The following CSMD1 variants were observed in gnomAD, a reference collection of about 807,000 sequenced individuals.
The protein encoded by CSMD1 is CUB and sushi domain-containing protein 1.
Under a neutral mutation model 417.5 loss-of-function variants are expected in CSMD1, and 213 were observed. The ratio of observed to expected loss-of-function variants is 0.51; its 90% CI spans 0.46 to 0.57. The LOEUF (loss-of-function observed/expected upper bound fraction) is 0.57, where lower values mean the gene tolerates loss of function less well. Among genes scored for constraint, CSMD1 ranks in the 20% least tolerant of loss-of-function variants. The pLI, the probability that CSMD1 is intolerant of heterozygous loss-of-function variation, is 0.00. For synonymous variants in CSMD1, 2,862 were observed against 1,736.8 expected (o/e 1.65, Z -16.11); for missense variants, 6,923 against 4,529.7 (o/e 1.53, Z -15.17).
chr8:3,701,851 A>C (rs2129037274), intron 7 of CSMD1, among the ~76,000 whole-genome samples: 1 of 152,324 alleles, frequency 6.6e-6, no homozygotes, highest in East Asian at 1.9e-4. Context: ...CCACAACAAA[A>C]GCCAGAGGGA....
chr8:4,549,621 G>A (rs1030479884), intron 2 of CSMD1, among the ~76,000 whole-genome samples: 1 of 152,026 alleles, frequency 6.6e-6, no homozygotes, highest in Non-Finnish European at 1.5e-5. Flanking sequence ...GGGCGCGGTG[G>A]CTCACACCGG....
Position 4,375,409 on chromosome 8 carries a change from G to T in CSMD1, c.415+44544C>A, listed in dbSNP as rs1802668975. On this transcript the variant is annotated intron_variant, in intron 3 of 69. Transcript: ENST00000635120. ...ACAGGGCATTATATTTTGGAATAAT[G>T]AGCACAAGCATCTTGTACTACCCCA... Among the ~76,000 whole-genome samples, 4 of 152,118 alleles carry T rather than the reference G, an allele frequency of 2.6e-5. No homozygotes were observed. In the South Asian group the frequency reaches 8.3e-4, roughly 32 times the overall value.
At chr8:3,945,132 T>C (rs111357732) in intron 5 of CSMD1, among the ~76,000 whole-genome samples, 323 of 128,292 alleles carry the variant, frequency 2.5e-3, no homozygotes, top group African/African-American at 9.1e-3. Flanking sequence ...TTGTAAGTGA[T>C]ACACAATTTG....
At chr8:2,990,094 G>A (rs1806246279) in intron 54 of CSMD1, among the ~76,000 whole-genome samples, 1 of 152,182 alleles carries the variant, frequency 6.6e-6, no homozygotes, top group African/African-American at 2.4e-5. Context: ...GACAACATTT[G>A]TGGACATTCA....
Position 3,808,339 on chromosome 8 carries a change from G to A in CSMD1, c.819-54297C>T, listed in dbSNP as rs996116779. ...CTCTCTTCTCTAAAGACAAATTTCT[G>A]GAAATGTTTGGGTCTTGGTATATTC... On this transcript the variant is annotated intron_variant, in intron 5 of 69. Transcript: ENST00000635120. Among the ~76,000 whole-genome samples, 5 of 151,970 alleles carry A rather than the reference G, an allele frequency of 3.3e-5. No individual in the cohort carries two copies. The South Asian group carries it at 6.2e-4, about 19-fold the overall frequency.
rs779488083 is a variant in CSMD1 at position 3,000,012 on chromosome 8, C to T, written c.8149G>A (p.Val2717Met). The change falls in exon 53 of 70, where the codon GTG (valine) becomes ATG (methionine). Residue 2717 changes from valine (V) to methionine (M), a missense_variant. By Grantham distance (21) the Val-to-Met change is conservative. Transcript: ENST00000635120. ...TTGTGGTCTTGCAGGCATATCCTCACGGAAGTTCCCACAAGCCGGAAACCA... is the reference window on the plus strand; with the variant it reads ...TTGTGGTCTTGCAGGCATATCCTCATGGAAGTTCCCACAAGCCGGAAACCA... ...NPGFRLVGTSVRICLQDHKWS... is the reference protein window; with the variant it reads ...NPGFRLVGTSMRICLQDHKWS... 5.7e-5 allele frequency: 91 copies of T among 1,608,112 alleles called. 1 individual carries two copies. The highest frequency in any genetic ancestry group is 1.6e-4 in the Middle Eastern group (1 of 6,084).
intron 3 of CSMD1, among the ~76,000 whole-genome samples, chr8:4,302,672 C>A (rs1191149987): frequency 6.6e-6 from 1 of 152,132 alleles, no homozygotes; most frequent in East Asian, 1.9e-4. Flanking sequence ...TGTTCAAAAG[C>A]ATTCATCTCT....
At chr8:3,705,504 C>A (rs1430984538) in intron 7 of CSMD1, among the ~76,000 whole-genome samples, 1 of 152,172 alleles carries the variant, frequency 6.6e-6, no homozygotes, top group Non-Finnish European at 1.5e-5. Flanking sequence ...CTGGCCACTG[C>A]TGTCACTTCT....
chr8:4,230,274 C>T (rs1440604763), intron 3 of CSMD1, among the ~76,000 whole-genome samples: 1 of 152,050 alleles, frequency 6.6e-6, no homozygotes, highest in Non-Finnish European at 1.5e-5. Flanking sequence ...ATCTTATATT[C>T]TAGATTTATA....
intron 4 of CSMD1, among the ~76,000 whole-genome samples, chr8:4,018,177 T>C (rs981768440): frequency 2.0e-5 from 3 of 152,190 alleles, no homozygotes; most frequent in Non-Finnish European, 2.9e-5. Context: ...AAAAAATAAA[T>C]ACACATCTTT....
At chr8:4,109,781 T>C (rs1324758014) in intron 3 of CSMD1, among the ~76,000 whole-genome samples, 2 of 152,166 alleles carry the variant, frequency 1.3e-5, no homozygotes, top group African/African-American at 4.8e-5. Context: ...ATTTCTGTGG[T>C]CATTGACTGA....
At chr8:4,125,509 G>T (rs991399998) in intron 3 of CSMD1, among the ~76,000 whole-genome samples, 1 of 152,234 alleles carries the variant, frequency 6.6e-6, no homozygotes, top group East Asian at 1.9e-4. Flanking sequence ...CACGTCGGCC[G>T]GACCTCCTGA....
chr8:4,418,311 G>C (rs562087503), intron 3 of CSMD1, among the ~76,000 whole-genome samples: 11 of 152,166 alleles, frequency 7.2e-5, no homozygotes, highest in South Asian at 6.2e-4. Flanking sequence ...ATCTTTTGGA[G>C]TAACAAAGAA....
chr8:3,863,057 C>G (rs1036045438), intron 5 of CSMD1, among the ~76,000 whole-genome samples: 5 of 152,144 alleles, frequency 3.3e-5, no homozygotes, highest in African/African-American at 7.2e-5. Flanking sequence ...CTCCCTGCAG[C>G]ATCGTCAAAG....
intron 2 of CSMD1, among the ~76,000 whole-genome samples, chr8:4,562,434 T>C (rs184919658): frequency 1.4e-3 from 212 of 152,266 alleles, no homozygotes; most frequent in African/African-American, 5.1e-3. Flanking sequence ...TCAGAAGAAG[T>C]TGAAGTTATA....
chr8:3,172,792 A>C (rs1373134806), intron 37 of CSMD1, among the ~76,000 whole-genome samples: 1 of 152,222 alleles, frequency 6.6e-6, no homozygotes, highest in African/African-American at 2.4e-5. Flanking sequence ...AGTTGAACCC[A>C]ATGGCAATTG....
intron 5 of CSMD1, among the ~76,000 whole-genome samples, chr8:3,935,855 T>A (rs2129702961): frequency 1.3e-5 from 2 of 152,222 alleles, no homozygotes; most frequent in South Asian, 4.1e-4. Flanking sequence ...AATCAAAAGC[T>A]AGAAATCATT....
Position 4,245,407 on chromosome 8 carries a change from T to C in CSMD1, c.415+174546A>G, listed in dbSNP as rs772275156. Reference sequence around the variant, plus strand: ...TCTGACAGCCTGATCCACACTCTGATGATGCAAAGGGAGGAGGAGGCAGGT... The same window carrying C: ...TCTGACAGCCTGATCCACACTCTGACGATGCAAAGGGAGGAGGAGGCAGGT... On this transcript the variant is annotated intron_variant, in intron 3 of 69. Transcript: ENST00000635120. Among the ~76,000 whole-genome samples the C allele has an allele frequency of 3.9e-5, 6 of 152,114 alleles. 1 individual carries two copies. The highest frequency in any genetic ancestry group is 3.9e-4 in the Admixed American group (6 of 15,258).
At chr8:3,865,319 T>G (rs934240488) in intron 5 of CSMD1, among the ~76,000 whole-genome samples, 6 of 152,148 alleles carry the variant, frequency 3.9e-5, no homozygotes, top group African/African-American at 1.4e-4. Flanking sequence ...CGCACTCAAT[T>G]TTTAATCTGT....
Sources: gnomAD v4.1 joint callset for allele counts (sites outside exome capture counted in the v4.1 genomes callset) on GRCh38, gnomAD v4.1.1 for gene constraint, MANE v1.5 for transcripts, NCBI Gene and HGNC (gene_info 2026-07-23, HGNC 2026-07-21) for gene names.